Variants in FMN2 observed in about 807,000 individuals in gnomAD.
FMN2 encodes formin 2, also known as formin-2.
Under a neutral mutation model 142.3 loss-of-function variants are expected in FMN2, and 51 were observed. The observed-to-expected ratio is 0.36, with a 90% CI of 0.29 to 0.45. The LOEUF is 0.45. Ranked by LOEUF, FMN2 falls within the 20% of genes least tolerant of loss-of-function variation. The probability of loss-of-function intolerance (pLI) is 1.00; values close to 1 mark genes in which losing one functional copy is unlikely to be tolerated. For synonymous variants in FMN2, 882 were observed against 869.8 expected, an observed-to-expected ratio of 1.01 and a Z score of -0.25; for missense variants, 1,936 against 2,122.8, an observed-to-expected ratio of 0.91 and a Z score of 1.73.
At chr1:240,409,335 G>T (rs1044242541) in intron 15 of FMN2, among the ~76,000 whole-genome samples, 2 of 151,820 alleles carry the variant, frequency 1.3e-5, no homozygotes, top group Admixed American at 1.3e-4. Context: ...GTAGAGATGG[G>T]GTTTCACCGT....
chr1:240,222,367 G>T (rs1336249855), intron 6 of FMN2, among the ~76,000 whole-genome samples: 2 of 152,132 alleles, frequency 1.3e-5, no homozygotes, highest in East Asian at 3.9e-4. Context: ...TTTGGTACCA[G>T]TACCATGCTG....
Position 240,475,104 on chromosome 1 carries a change from T to G in FMN2, c.*950T>G, listed in dbSNP as rs779141488. The G allele has an allele frequency of 1.3e-5, 2 of 152,558 alleles. No homozygotes were observed. Among genetic ancestry groups the G allele is most frequent in the Non-Finnish European group, 2.9e-5 (2 of 68,010 alleles). The allele number at this position is 152,558 out of a possible 1,614,324, so 9.5% of individuals were successfully genotyped here. On this transcript the variant is annotated 3_prime_UTR_variant, in exon 18 of 18. Transcript: ENST00000319653. ...AAGATCGCTATGTGCAATACTGTAT[T>G]TAGTGTTTCTATTTCAATTTTTCTA...
chr1:240,092,709 G>T lies in FMN2; in HGVS notation c.600G>T (p.Gln200His). 1 of 1,613,828 alleles carries T rather than the reference G, an allele frequency of 6.2e-7. No individual in the cohort carries two copies. Among genetic ancestry groups the T allele is most frequent in the Non-Finnish European group, 8.5e-7 (1 of 1,179,988 alleles). ...AAGAGGATTTGCTTTCAGACATCCA[G>T]CAGGCGATCCGCCTGCAGCAGCAGC... Reference protein sequence around the residue: ...TEQEDLLSDIQQAIRLQQQQQ... With the variant: ...TEQEDLLSDIHQAIRLQQQQQ... The change falls in exon 1 of 18, where the codon CAG (glutamine) becomes CAT (histidine). Residue 200 changes from glutamine (Q) to histidine (H), a missense_variant. Physicochemically the swap from Gln to His is conservative, Grantham distance 24. Transcript: ENST00000319653.
At chr1:240,312,321 T>C (rs1051477789) in intron 8 of FMN2, among the ~76,000 whole-genome samples, 17 of 152,192 alleles carry the variant, frequency 1.1e-4, no homozygotes, top group Non-Finnish European at 2.9e-5. Context: ...AGTAAAAGTC[T>C]CCTGAATCTT....
chr1:240,367,869 A>G (rs12089062), intron 14 of FMN2, among the ~76,000 whole-genome samples: 43,923 of 151,584 alleles, frequency 0.29, 6,868 homozygotes, highest in African/African-American at 0.41. Flanking sequence ...TTGCTTTCAC[A>G]TTTAATCCTT....
chr1:240,373,174 A>AG (rs752417884), intron 14 of FMN2, among the ~76,000 whole-genome samples: 3 of 152,202 alleles, frequency 2.0e-5, no homozygotes, highest in Non-Finnish European at 4.4e-5. Context: ...ACAGAGCAAG[A>AG]GTCCATCTCA....
chr1:240,383,128 A>C (rs936845551), intron 14 of FMN2, among the ~76,000 whole-genome samples: 1 of 152,206 alleles, frequency 6.6e-6, no homozygotes, highest in Non-Finnish European at 1.5e-5. Context: ...TGGGCTAAAG[A>C]CTTAAATGTA....
chr1:240,383,332 T>G (rs970453443), intron 14 of FMN2, among the ~76,000 whole-genome samples: 3 of 152,048 alleles, frequency 2.0e-5, no homozygotes, highest in African/African-American at 7.3e-5. Flanking sequence ...AGACAACCTA[T>G]AGAATGGGAT....
At chr1:240,379,357 A>G (rs558597840) in intron 14 of FMN2, among the ~76,000 whole-genome samples, 1 of 152,156 alleles carries the variant, frequency 6.6e-6, no homozygotes, top group African/African-American at 2.4e-5. Flanking sequence ...CTTTGCTTGT[A>G]CTTGTATAAT....
intron 16 of FMN2, among the ~76,000 whole-genome samples, chr1:240,449,225 C>T (rs774238613): frequency 5.3e-5 from 8 of 152,044 alleles, no homozygotes; most frequent in Non-Finnish European, 8.8e-5. Context: ...TGCATCTTTC[C>T]CTTCTGTTTA....
At chr1:240,367,018 A>C (rs1226417908) in intron 14 of FMN2, among the ~76,000 whole-genome samples, 2 of 152,162 alleles carry the variant, frequency 1.3e-5, no homozygotes, top group Non-Finnish European at 2.9e-5. Context: ...TGTTTTTAAA[A>C]ATGATTAGTT....
chr1:240,437,551 C>T (rs1450723288), intron 15 of FMN2, among the ~76,000 whole-genome samples: 1 of 152,078 alleles, frequency 6.6e-6, no homozygotes, highest in East Asian at 1.9e-4. Context: ...ATCCACCCAC[C>T]TTGGCCTCCC....
intron 13 of FMN2, among the ~76,000 whole-genome samples, chr1:240,352,592 A>T (rs537075264): frequency 3.3e-5 from 5 of 151,884 alleles, no homozygotes; most frequent in Admixed American, 1.3e-4. Flanking sequence ...AAAAAAATTT[A>T]AAAAAAACAA....
intron 2 of FMN2, among the ~76,000 whole-genome samples, chr1:240,137,182 T>C (rs1662979695): frequency 1.3e-5 from 2 of 152,046 alleles, no homozygotes. Context: ...TTTCTTGTTT[T>C]TTGTTTTTTT....
At chr1:240,425,204 T>TGAGAGAGAGAGAGAGAGAGAGAGAGAGA (rs142399934) in intron 15 of FMN2, among the ~76,000 whole-genome samples, 3 of 134,946 alleles carry the variant, frequency 2.2e-5, no homozygotes, top group East Asian at 4.5e-4. Flanking sequence ...TTGAATGAGG[T>TGAGAGAGAGAGAGAGAGAGAGAGAGAGA]GAGAGAGAGA....
At chr1:240,111,992 A>G (rs903416172) in intron 1 of FMN2, among the ~76,000 whole-genome samples, 3 of 152,208 alleles carry the variant, frequency 2.0e-5, no homozygotes, top group African/African-American at 7.2e-5. Context: ...AGAATTCTTC[A>G]TGGTTATACT....
At chr1:240,312,841 T>C (rs975020013) in intron 8 of FMN2, among the ~76,000 whole-genome samples, 1 of 152,180 alleles carries the variant, frequency 6.6e-6, no homozygotes, top group Non-Finnish European at 1.5e-5. Flanking sequence ...AATGCACTTC[T>C]CGAACTGATC....
chr1:240,170,153 G>T (rs558416420), intron 2 of FMN2: 3 of 822,468 alleles, frequency 3.6e-6, no homozygotes, highest in Non-Finnish European at 4.0e-6. Context: ...CCCTGGCGCC[G>T]ACCAGAACCC....
At chr1:240,459,847 T>C (rs1158581098) in intron 16 of FMN2, among the ~76,000 whole-genome samples, 1 of 150,574 alleles carries the variant, frequency 6.6e-6, no homozygotes, top group Non-Finnish European at 1.5e-5. Flanking sequence ...CTACATGGCA[T>C]ACTTGAAGTG....
Sources: gnomAD v4.1 joint callset for allele counts (sites outside exome capture counted in the v4.1 genomes callset) on GRCh38, gnomAD v4.1.1 for gene constraint, MANE v1.5 for transcripts, NCBI Gene and HGNC (gene_info 2026-07-23, HGNC 2026-07-21) for gene names.